XYLT1: variants seen among roughly 807,000 people sequenced by gnomAD.
The protein encoded by XYLT1 is xylosyltransferase 1, also known as beta-D-xylosyltransferase 1.
Under a neutral mutation model 91.3 loss-of-function variants are expected in XYLT1, and 36 were observed. That is an observed-to-expected ratio of 0.39 (90% CI 0.30 to 0.52). XYLT1 has a LOEUF of 0.52. Ranked by LOEUF, XYLT1 falls within the 20% of genes least tolerant of loss-of-function variation. XYLT1 has a pLI of 0.68. For missense variants in XYLT1, 1,242 were observed against 1,284.5 expected, an observed-to-expected ratio of 0.97 and a Z score of 0.51; for synonymous variants, 588 against 532.0, an observed-to-expected ratio of 1.11 and a Z score of -1.45.
At chr16:17,142,810 T>C (rs1241735997) in intron 6 of XYLT1, among the ~76,000 whole-genome samples, 1 of 152,126 alleles carries the variant, frequency 6.6e-6, no homozygotes, top group Non-Finnish European at 1.5e-5. Flanking sequence ...CCAACTATAA[T>C]GTGACAGGAA....
chr16:17,357,891 A>G, intron 2 of XYLT1, 121 bp downstream of exon 2: 1 of 1,043,360 alleles, frequency 9.6e-7, no homozygotes, highest in African/African-American at 1.6e-5. Flanking sequence ...GCACACACAC[A>G]TCCAAATGGG....
At chr16:17,316,334 C>G (rs546424078) in intron 2 of XYLT1, among the ~76,000 whole-genome samples, 7 of 152,106 alleles carry the variant, frequency 4.6e-5, no homozygotes, top group African/African-American at 1.2e-4. Flanking sequence ...CATGCCTCCC[C>G]CTCCATGCAG....
chr16:17,190,213 C>T (rs1236657039), intron 5 of XYLT1, among the ~76,000 whole-genome samples: 3 of 152,114 alleles, frequency 2.0e-5, no homozygotes, highest in Non-Finnish European at 2.9e-5. Context: ...AGAGAGCGTA[C>T]GGTTGCCTGA....
intron 1 of XYLT1, among the ~76,000 whole-genome samples, chr16:17,429,857 T>C (rs555222744): frequency 3.3e-5 from 5 of 152,056 alleles, no homozygotes; most frequent in African/African-American, 1.2e-4. Context: ...CCAGCTTTCC[T>C]GGGTCTCCAG....
intron 5 of XYLT1, among the ~76,000 whole-genome samples, chr16:17,160,433 G>A (rs1351937007): frequency 6.6e-6 from 1 of 152,158 alleles, no homozygotes; most frequent in Non-Finnish European, 1.5e-5. Flanking sequence ...CTCATTGGAT[G>A]ACTCATGTTG....
intron 6 of XYLT1, 33 bp downstream of exon 6, chr16:17,158,796 C>A (rs752860753): frequency 6.2e-7 from 1 of 1,608,180 alleles, no homozygotes. Context: ...TTTTCATTTC[C>A]ATTTTGTACA....
chr16:17,301,666 T>C (rs1351604442), intron 2 of XYLT1, among the ~76,000 whole-genome samples: 2 of 152,110 alleles, frequency 1.3e-5, no homozygotes, highest in African/African-American at 4.8e-5. Context: ...TTAAATACAA[T>C]AATAGATGCA....
intron 9 of XYLT1, among the ~76,000 whole-genome samples, chr16:17,132,978 A>G (rs914345496): frequency 1.3e-5 from 2 of 152,214 alleles, no homozygotes; most frequent in African/African-American, 4.8e-5. Flanking sequence ...TGATACAAAA[A>G]TGATGAGTAT....
chr16:17,258,723 C>T (rs1239877040), intron 3 of XYLT1, among the ~76,000 whole-genome samples: 2 of 152,172 alleles, frequency 1.3e-5, no homozygotes, highest in African/African-American at 2.4e-5. Flanking sequence ...CATCAGCTCC[C>T]GATTTCACTA....
At chr16:17,211,703 T>A (rs2032760519) in intron 3 of XYLT1, among the ~76,000 whole-genome samples, 1 of 152,194 alleles carries the variant, frequency 6.6e-6, no homozygotes, top group Admixed American at 6.5e-5. Context: ...CCATGCTCTA[T>A]GACCAGGCTT....
intron 3 of XYLT1, among the ~76,000 whole-genome samples, chr16:17,226,073 C>T (rs7193856): frequency 0.15 from 22,810 of 152,094 alleles, 1,875 homozygotes; most frequent in African/African-American, 0.2. Context: ...ATGGGGGAGA[C>T]GGCTTACACT....
At chr16:17,327,664 G>C (rs2034833315) in intron 2 of XYLT1, among the ~76,000 whole-genome samples, 1 of 142,116 alleles carries the variant, frequency 7.0e-6, no homozygotes, top group African/African-American at 2.7e-5. Flanking sequence ...TTACAGGTGT[G>C]AGCCACCACG....
intron 2 of XYLT1, among the ~76,000 whole-genome samples, chr16:17,347,938 G>A (rs554516470): frequency 1.3e-5 from 2 of 152,216 alleles, no homozygotes; most frequent in South Asian, 4.1e-4. Flanking sequence ...CTGCAGCCAC[G>A]GGAGAGGGCA....
intron 3 of XYLT1, among the ~76,000 whole-genome samples, chr16:17,238,022 G>A (rs1365522934): frequency 6.6e-6 from 1 of 152,206 alleles, no homozygotes; most frequent in Non-Finnish European, 1.5e-5. Flanking sequence ...CTTTCGGTGA[G>A]GGCAGTGGTA....
At chr16:17,321,880 G>A (rs957842781) in intron 2 of XYLT1, among the ~76,000 whole-genome samples, 1 of 152,178 alleles carries the variant, frequency 6.6e-6, no homozygotes, top group Non-Finnish European at 1.5e-5. Flanking sequence ...GGCAAGGTTG[G>A]CAAACCCTGC....
intron 3 of XYLT1, among the ~76,000 whole-genome samples, chr16:17,233,814 C>A (rs770474911): frequency 3.9e-5 from 6 of 152,160 alleles, no homozygotes; most frequent in Non-Finnish European, 8.8e-5. Flanking sequence ...GCATTGACAT[C>A]CTGCCTGGCC....
intron 6 of XYLT1, among the ~76,000 whole-genome samples, chr16:17,156,222 G>C (rs945363375): frequency 4.6e-5 from 7 of 152,262 alleles, no homozygotes; most frequent in African/African-American, 1.7e-4. Flanking sequence ...TTTTTAACTT[G>C]TGCTATACTC....
chr16:17,309,736 C>T (rs188981948), intron 2 of XYLT1, among the ~76,000 whole-genome samples: 2 of 152,302 alleles, frequency 1.3e-5, no homozygotes, highest in Admixed American at 1.3e-4. Flanking sequence ...CACTTCTTGT[C>T]CCAAATGGTT....
chr16:17,189,709 C>G (rs570829414), intron 5 of XYLT1, among the ~76,000 whole-genome samples: 1 of 152,316 alleles, frequency 6.6e-6, no homozygotes, highest in South Asian at 2.1e-4. Context: ...GTGAAATAAG[C>G]AGGTCACCAA....
Sources: allele counts gnomAD v4.1 joint callset (sites outside exome capture counted in the v4.1 genomes callset), GRCh38; gene constraint gnomAD v4.1.1; transcripts MANE v1.5; gene names NCBI Gene and HGNC (gene_info 2026-07-23, HGNC 2026-07-21).